CDH3: variants seen among roughly 807,000 people sequenced by gnomAD.
CDH3 encodes the protein cadherin-3.
A neutral mutation model predicts 82.0 loss-of-function variants in CDH3; 54 were observed. The observed-to-expected ratio is 0.66, with a 90% CI of 0.53 to 0.83. CDH3 has a LOEUF of 0.83. Ranked by LOEUF, CDH3 falls within the 40% of genes least tolerant of loss-of-function variation. The pLI, the probability that CDH3 is intolerant of heterozygous loss-of-function variation, is 0.00. For synonymous variants in CDH3, 446 were observed against 437.9 expected (o/e 1.02, Z -0.23); for missense variants, 1,054 against 1,084.6 (o/e 0.97, Z 0.40).
the CDH3 span, among the ~76,000 whole-genome samples, chr16:68,733,188 C>T: frequency 6.6e-6 from 1 of 152,184 alleles, no homozygotes; most frequent in African/African-American, 2.4e-5. Context: ...AGAAGTGAAT[C>T]CAGGCTGGAG....
chr16:68,731,020 CAAAAAAAAAAAA>C (rs1168041237), downstream of CDH3, among the ~76,000 whole-genome samples: 18 of 34,876 alleles, frequency 5.2e-4, no homozygotes, highest in South Asian at 1.6e-3. Context: ...AACTCCGTCT[CAAAAAAAAAAAA>C]AAAAAAAAAA....
At chr16:68,695,947 G>C in intron 15 of CDH3, 24 bp downstream of exon 15, 1 of 1,613,028 alleles carries the variant, frequency 6.2e-7, no homozygotes, top group Non-Finnish European at 8.5e-7. Flanking sequence ...GGCCAGTCGA[G>C]GGCCACCCTT....
At position 68,682,393 on chromosome 16, in the gene CDH3, G is replaced by C. The variant is rs754655574; in HGVS notation, c.1088G>C (p.Arg363Pro). 1 of 1,614,070 alleles carries C rather than the reference G, an allele frequency of 6.2e-7. No individual in the cohort carries two copies. The highest frequency in any genetic ancestry group is 1.7e-5 in the Admixed American group (1 of 60,024). ...GACGCCCCCAACTCACCAGCGTGGC[G>C]TGCCACCTACCTTATCATGGGCGGT... ...DLDAPNSPAW[R>P]ATYLIMGGDD... is the part of the protein sequence containing the mutation. The change falls in exon 9 of 16, where the codon CGT becomes CCT. Residue 363 changes from arginine to proline, a missense_variant. By Grantham distance (103) the Arg-to-Pro change is moderately radical. Coordinates refer to ENST00000264012, the MANE Select transcript of CDH3 (RefSeq NM_001793.6).
Position 68,645,757 on chromosome 16 carries a change from T to C in CDH3, c.160+7T>C. ...GGCCAGGCGCTGGGGAAAGGTAAGA[T>C]CCTCAGGGTGGAACCGCAGGGTAGG... On this transcript the variant is annotated splice_region_variant and intron_variant, in intron 2 of 15. Transcript: ENST00000264012. 1 of 1,540,002 alleles carries C rather than the reference T, an allele frequency of 6.5e-7. No homozygotes were observed. The highest frequency in any genetic ancestry group is 2.2e-4 in the Middle Eastern group (1 of 4,454).
At chr16:68,730,746 T>C (rs1962273995), downstream of CDH3, among the ~76,000 whole-genome samples, 1 of 151,356 alleles carries the variant, frequency 6.6e-6, no homozygotes, top group African/African-American at 2.4e-5. Flanking sequence ...TTGGGCCGGG[T>C]GTGGTGGCTC....
intron 8 of CDH3, among the ~76,000 whole-genome samples, 182 bp from the exon 9 acceptor site, chr16:68,682,120 T>A (rs914289207): frequency 2.0e-5 from 3 of 150,446 alleles, no homozygotes; most frequent in African/African-American, 7.3e-5. Context: ...TGCCAGCAGC[T>A]GTGAGGCTGC....
intron 1 of CDH3, among the ~76,000 whole-genome samples, chr16:68,714,993 C>G (rs970051636): frequency 6.6e-6 from 1 of 152,068 alleles, no homozygotes; most frequent in Middle Eastern, 3.4e-3. Context: ...GGCGATAGAA[C>G]AAGACCCTGT....
At chr16:68,703,606 G>A (rs972586898), downstream of CDH3, among the ~76,000 whole-genome samples, 3 of 152,196 alleles carry the variant, frequency 2.0e-5, no homozygotes, top group East Asian at 3.9e-4. Context: ...TAGGCATGAG[G>A]CCCTGGACAA....
At chr16:68,706,729 T>A (rs1961969611) in intron 1 of CDH3, among the ~76,000 whole-genome samples, 1 of 151,804 alleles carries the variant, frequency 6.6e-6, no homozygotes, top group Non-Finnish European at 1.5e-5. Context: ...ATCTTTGTAT[T>A]TTTTGGTAGA....
At chr16:68,650,298 AATAT>A (rs1381761450) in intron 2 of CDH3, among the ~76,000 whole-genome samples, 2 of 151,942 alleles carry the variant, frequency 1.3e-5, no homozygotes, top group African/African-American at 4.8e-5. Flanking sequence ...TTGGGGAAAA[AATAT>A]ATATATTTTT....
chr16:68,705,681 C>T (rs1420241566), intron 1 of CDH3, among the ~76,000 whole-genome samples: 1 of 151,752 alleles, frequency 6.6e-6, no homozygotes, highest in African/African-American at 2.4e-5. Flanking sequence ...CTCGGCCTCC[C>T]AAACTGCTGG....
chr16:68,677,693 G>T (rs540839171), intron 3 of CDH3, among the ~76,000 whole-genome samples: 1 of 152,182 alleles, frequency 6.6e-6, no homozygotes, highest in East Asian at 1.9e-4. Flanking sequence ...AGCTGAGATC[G>T]TGCCACTGCA....
Position 68,710,186 on chromosome 16 carries a change from G to A in CDH3, c.100-12239G>A, listed in dbSNP as rs144163320. ...CCGGGCTGGGTTTGGCACTGGCTGC[G>A]CTCTGCACCCTCTATGGCCACAGCT... On this transcript the variant is annotated intron_variant, in intron 1 of 2. Transcript: ENST00000569080. 3.3e-5 allele frequency among the ~76,000 whole-genome samples: 5 copies of A among 152,318 alleles called. No homozygotes were observed. In the East Asian group the frequency reaches 7.7e-4, roughly 24 times the overall value.
intron 2 of CDH3, among the ~76,000 whole-genome samples, chr16:68,673,485 T>TC (rs35234648): frequency 6.7e-6 from 1 of 149,010 alleles, no homozygotes; most frequent in African/African-American, 2.4e-5. Context: ...TTTTTTTTTT[T>TC]CTTAGAGAAA....
rs1030235776 is a variant in CDH3 at position 68,682,409 on chromosome 16, C to T, written c.1104C>T (p.Ile368=). 45 of 1,613,988 alleles carry T rather than the reference C, an allele frequency of 2.8e-5. No homozygotes were observed. Among genetic ancestry groups the T allele is most frequent in the Non-Finnish European group, 3.6e-5 (43 of 1,180,032 alleles). ...NSPAWRATYL[I]MGGDDGDHFT... Reference sequence around the variant, plus strand: ...CAGCGTGGCGTGCCACCTACCTTATCATGGGCGGTGACGACGGGGACCATT... The same window carrying T: ...CAGCGTGGCGTGCCACCTACCTTATTATGGGCGGTGACGACGGGGACCATT... Residue 368 remains isoleucine, a synonymous_variant, in exon 9 of 16, where the codon ATC becomes ATT. Transcript: ENST00000264012.
At chr16:68,720,872 G>A (rs1239976939) in intron 1 of CDH3, among the ~76,000 whole-genome samples, 1 of 151,862 alleles carries the variant, frequency 6.6e-6, no homozygotes, top group Non-Finnish European at 1.5e-5. Flanking sequence ...CACCCTCCTC[G>A]GCCTCCCAAA....
intron 1 of CDH3, among the ~76,000 whole-genome samples, chr16:68,711,401 T>C (rs1478471012): frequency 6.6e-6 from 1 of 152,018 alleles, no homozygotes; most frequent in African/African-American, 2.4e-5. Context: ...AGGAGGGCAG[T>C]GCAGAGTTCT....
At chr16:68,679,745 A>AG (rs1961155970) in intron 6 of CDH3, 54 bp from the exon 7 acceptor site, 5 of 1,097,034 alleles carry the variant, frequency 4.6e-6, no homozygotes, top group African/African-American at 1.5e-5. Context: ...TTCCAGAAGT[A>AG]GACAGGGCTG....
chr16:68,684,885 A>G, intron 10 of CDH3, 61 bp downstream of exon 10: 4 of 1,599,230 alleles, frequency 2.5e-6, no homozygotes, highest in South Asian at 1.1e-5. Context: ...GTGGGTGATC[A>G]TGGCCAACGT....
Sources: gnomAD v4.1 joint callset for allele counts (sites outside exome capture counted in the v4.1 genomes callset) on GRCh38, gnomAD v4.1.1 for gene constraint, MANE v1.5 for transcripts, NCBI Gene and HGNC (gene_info 2026-07-23, HGNC 2026-07-21) for gene names.